ST6GALNAC5: variants seen among roughly 807,000 people sequenced by gnomAD.
ST6GALNAC5 encodes the protein ST6 N-acetylgalactosaminide alpha-2,6-sialyltransferase 5.
In ST6GALNAC5, 27 loss-of-function variants were observed where a neutral mutation model predicts 33.6. The ratio of observed to expected loss-of-function variants is 0.80; its 90% confidence interval spans 0.59 to 1.11. ST6GALNAC5 has a LOEUF of 1.11. Among genes scored for constraint, ST6GALNAC5 ranks in the 50% least tolerant of loss-of-function variants. ST6GALNAC5 has a pLI of 0.00. For synonymous variants in ST6GALNAC5, 194 were observed against 171.2 expected (o/e 1.13, Z -1.04); for missense variants, 428 against 454.0 (o/e 0.94, Z 0.52).
In ST6GALNAC5 at chr1:76,951,506, G is replaced by A. The variant is rs891265501; in HGVS notation, c.261+82764G>A. 3.9e-5 allele frequency among the ~76,000 whole-genome samples: 6 copies of A among 152,042 alleles called. No individual in the cohort carries two copies. The East Asian group carries it at 7.7e-4, about 20-fold the overall frequency. Reference sequence around the variant, plus strand: ...GTAGTTATTGGGAGGGTCAGGGGAGGGATGGCATTAGGAGAAATACCTAAT... The same window carrying A: ...GTAGTTATTGGGAGGGTCAGGGGAGAGATGGCATTAGGAGAAATACCTAAT... On this transcript the variant is annotated intron_variant, in intron 2 of 4. Transcript: ENST00000477717.
Position 77,063,491 on chromosome 1 carries a change from C to T in ST6GALNAC5, c.*285C>T. On this transcript the variant is annotated 3_prime_UTR_variant, in exon 5 of 5. Transcript: ENST00000477717. Reference sequence around the variant, plus strand: ...CACTATGACTAAAAACAGTTTGGATCTCTTAGTATTGCCTTTGAAACTGCA... The same window carrying T: ...CACTATGACTAAAAACAGTTTGGATTTCTTAGTATTGCCTTTGAAACTGCA... 2.5e-6 allele frequency: 1 copy of T among 407,458 alleles called. No individual in the cohort carries two copies. Among genetic ancestry groups the T allele is most frequent in the Middle Eastern group, 6.9e-4 (1 of 1,452 alleles). The allele number at this position is 407,458 out of a possible 1,614,324, so 25.2% of individuals were successfully genotyped here.
chr1:76,871,389 G>A (rs1157611294), intron 2 of ST6GALNAC5: 3 of 152,218 alleles, frequency 2.0e-5, no homozygotes, highest in Non-Finnish European at 4.4e-5. Flanking sequence ...TCTGGAGAGA[G>A]TTACAGATAT....
intron 2 of ST6GALNAC5, among the ~76,000 whole-genome samples, chr1:76,878,893 T>C (rs747099917): frequency 3.3e-5 from 5 of 152,194 alleles, no homozygotes; most frequent in Non-Finnish European, 5.9e-5. Flanking sequence ...GATTGCTGCT[T>C]TGCCTCTGCT....
intron 3 of ST6GALNAC5, among the ~76,000 whole-genome samples, chr1:77,045,787 A>C (rs1651988804): frequency 6.6e-6 from 1 of 152,160 alleles, no homozygotes; most frequent in Non-Finnish European, 1.5e-5. Flanking sequence ...TGGGGGTGAC[A>C]CAAGGTGAAG....
intron 2 of ST6GALNAC5, among the ~76,000 whole-genome samples, chr1:76,973,847 C>T (rs1183158384): frequency 6.6e-6 from 1 of 152,114 alleles, no homozygotes; most frequent in Non-Finnish European, 1.5e-5. Flanking sequence ...ATTTAAGATG[C>T]CAACCTTTTC....
intron 2 of ST6GALNAC5, among the ~76,000 whole-genome samples, chr1:77,035,800 T>C (rs1570121785): frequency 6.6e-6 from 1 of 152,200 alleles, no homozygotes; most frequent in African/African-American, 2.4e-5. Context: ...TTGGAACTAG[T>C]GGGTGGGAAT....
At chr1:76,885,658 A>T (rs1653876069) in intron 2 of ST6GALNAC5, among the ~76,000 whole-genome samples, 1 of 152,236 alleles carries the variant, frequency 6.6e-6, no homozygotes, top group Non-Finnish European at 1.5e-5. Flanking sequence ...ATTAGGAAAT[A>T]GTCTTGATAC....
chr1:76,896,957 G>C (rs191019731), intron 2 of ST6GALNAC5, among the ~76,000 whole-genome samples: 1 of 152,096 alleles, frequency 6.6e-6, no homozygotes, highest in South Asian at 2.1e-4. Flanking sequence ...AATTCTGACC[G>C]CACTAACCAT....
At chr1:77,049,108 C>T (rs1283804952) in intron 3 of ST6GALNAC5, among the ~76,000 whole-genome samples, 1 of 152,058 alleles carries the variant, frequency 6.6e-6, no homozygotes, top group Non-Finnish European at 1.5e-5. Flanking sequence ...AGGTATTGGA[C>T]AAAATGAAGG....
At chr1:76,942,069 G>A (rs770732756) in intron 2 of ST6GALNAC5, among the ~76,000 whole-genome samples, 7 of 152,000 alleles carry the variant, frequency 4.6e-5, no homozygotes, top group Non-Finnish European at 7.4e-5. Context: ...ATCACTAGGC[G>A]GATTATTTAT....
In ST6GALNAC5 at chr1:76,868,047, C is replaced by A. The variant is rs1653385645; in HGVS notation, c.15+357C>A. On this transcript the variant is annotated intron_variant, in intron 1 of 4. Transcript: ENST00000477717. This position sits in a 1 kb window ranked among gnomAD's most constrained non-coding sequence, Gnocchi z 4.3. Reference sequence around the variant, plus strand: ...AACTAAGAGGGACGGGGAGGGGGGACCTTTGCAGACTTTCTTCGTTTTCTT... The same window carrying A: ...AACTAAGAGGGACGGGGAGGGGGGAACTTTGCAGACTTTCTTCGTTTTCTT... Among the ~76,000 whole-genome samples the A allele has an allele frequency of 6.6e-6, 1 of 152,176 alleles. No individual in the cohort carries two copies. The highest frequency in any genetic ancestry group is 1.5e-5 in the Non-Finnish European group (1 of 68,032).
rs1157994358 is a variant in ST6GALNAC5 at position 77,002,019 on chromosome 1, A to T, written c.262-42185A>T. Among the ~76,000 whole-genome samples the T allele has an allele frequency of 2.6e-5, 4 of 152,190 alleles. No homozygotes were observed. In the East Asian group the frequency reaches 7.7e-4, roughly 29 times the overall value. ...GCTGGCCTCATAAAATGAGTTAGGA[A>T]GGATTCCCTCTTTTTCTATTGATTG... On this transcript the variant is annotated intron_variant, in intron 2 of 4. Coordinates refer to ENST00000477717, the MANE Select transcript of ST6GALNAC5 (RefSeq NM_030965.3).
intron 3 of ST6GALNAC5, among the ~76,000 whole-genome samples, chr1:77,044,911 G>A (rs1052556524): frequency 1.3e-5 from 2 of 152,064 alleles, no homozygotes; most frequent in Admixed American, 6.5e-5. Context: ...CAGCTTTATT[G>A]CATTTCATTT....
At chr1:76,918,274 A>C (rs866670324) in intron 2 of ST6GALNAC5, among the ~76,000 whole-genome samples, 17 of 152,256 alleles carry the variant, frequency 1.1e-4, no homozygotes, top group African/African-American at 3.8e-4. Context: ...AATGCTTCTA[A>C]TGTTTGGGTC....
Position 77,004,275 on chromosome 1 carries a change from T to C in ST6GALNAC5, c.262-39929T>C, listed in dbSNP as rs879429213. Among the ~76,000 whole-genome samples, 412 of 150,754 alleles carry C rather than the reference T, an allele frequency of 2.7e-3. 3 individuals are homozygous for C. Among genetic ancestry groups the C allele is most frequent in the Non-Finnish European group, 3.3e-3 (225 of 67,172 alleles). ...CATCGCTGATACCCTTTCTTCCAGT[T>C]GATCGCATCAGCTCCTGAGGCTTCT... is the stretch of plus-strand genomic sequence containing the variant. On this transcript the variant is annotated intron_variant, in intron 2 of 4. Transcript: ENST00000477717.
chr1:76,989,043 C>T (rs1353730835), intron 2 of ST6GALNAC5, among the ~76,000 whole-genome samples: 2 of 152,128 alleles, frequency 1.3e-5, no homozygotes, highest in Non-Finnish European at 2.9e-5. Context: ...AGGAAGGCAG[C>T]CTGAATTCTT....
At chr1:76,880,462 A>G (rs1359238871) in intron 2 of ST6GALNAC5, among the ~76,000 whole-genome samples, 1 of 152,182 alleles carries the variant, frequency 6.6e-6, no homozygotes, top group South Asian at 2.1e-4. Flanking sequence ...ACATATACAC[A>G]TAATACTTAA....
At position 77,063,499 on chromosome 1, in the gene ST6GALNAC5, A is replaced by ATT. The variant is rs1345423589; in HGVS notation, c.*294_*295dup. The ATT allele has an allele frequency of 7.8e-6, 3 of 386,150 alleles. No homozygotes were observed. The highest frequency in any genetic ancestry group is 8.0e-5 in the Admixed American group (2 of 24,894). The allele number at this position is 386,150 out of a possible 1,614,324, so 23.9% of individuals were successfully genotyped here. The stretch of plus-strand genomic sequence containing the variant: ...CTAAAAACAGTTTGGATCTCTTAGT[A>ATT]TTGCCTTTGAAACTGCAACATAAGC... On this transcript the variant is annotated 3_prime_UTR_variant, in exon 5 of 5. Coordinates refer to ENST00000477717, the MANE Select transcript of ST6GALNAC5 (RefSeq NM_030965.3).
chr1:76,884,325 C>T (rs958149601), intron 2 of ST6GALNAC5, among the ~76,000 whole-genome samples: 1 of 152,188 alleles, frequency 6.6e-6, no homozygotes, highest in Non-Finnish European at 1.5e-5. Context: ...AATTTTGAAC[C>T]TTGCTGTGCA....
Sources: gnomAD v4.1 joint callset for allele counts (sites outside exome capture counted in the v4.1 genomes callset) on GRCh38, gnomAD v4.1.1 for gene constraint, Gnocchi (gnomAD v3.1) non-coding constraint, MANE v1.5 for transcripts, NCBI Gene and HGNC (gene_info 2026-07-23, HGNC 2026-07-21) for gene names.